Variants in PDS5A observed in about 807,000 individuals in gnomAD.
PDS5A encodes PDS5 cohesin associated factor A, also known as sister chromatid cohesion protein PDS5 homolog A.
A neutral mutation model predicts 167.1 loss-of-function variants in PDS5A; 42 were observed. The ratio of observed to expected loss-of-function variants is 0.25; its 90% CI spans 0.20 to 0.33. The LOEUF (loss-of-function observed/expected upper bound fraction) is 0.33. Ranked by LOEUF, PDS5A falls within the 10% of genes least tolerant of loss-of-function variation. The pLI is 1.00. For synonymous variants in PDS5A, 553 were observed against 554.6 expected (o/e 1.00, Z 0.04); for missense variants, 1,033 against 1,605.9 (o/e 0.64, Z 6.10).
At chr4:39,947,858 T>G (rs946934053) in intron 2 of PDS5A, among the ~76,000 whole-genome samples, 5 of 152,152 alleles carry the variant, frequency 3.3e-5, no homozygotes, top group Non-Finnish European at 5.9e-5. Flanking sequence ...CACCTCCCAG[T>G]AGGCCCCAAT....
intron 16 of PDS5A, among the ~76,000 whole-genome samples, chr4:39,891,511 G>A (rs1453966558): frequency 6.6e-6 from 1 of 151,960 alleles, no homozygotes; most frequent in African/African-American, 2.4e-5. Context: ...AGCCGGGCTT[G>A]GTGGCGCATG....
intron 16 of PDS5A, among the ~76,000 whole-genome samples, chr4:39,891,062 C>T (rs898977470): frequency 6.0e-5 from 9 of 151,254 alleles, no homozygotes. Context: ...TGGAGTCTCG[C>T]TCTGTCAGTC....
At chr4:39,908,352 T>C in intron 11 of PDS5A, 43 bp downstream of exon 11, 1 of 1,491,634 alleles carries the variant, frequency 6.7e-7, no homozygotes, top group Non-Finnish European at 9.3e-7. Flanking sequence ...ATTTAGCAAT[T>C]TAAACAGTAA....
At chr4:39,939,643 A>C (rs1292127556) in intron 2 of PDS5A, among the ~76,000 whole-genome samples, 1 of 152,024 alleles carries the variant, frequency 6.6e-6, no homozygotes, top group Non-Finnish European at 1.5e-5. Flanking sequence ...AAAATACAAC[A>C]ATTAGTCAGG....
intron 11 of PDS5A, 101 bp from the exon 12 acceptor site, chr4:39,904,292 C>T: frequency 1.6e-6 from 1 of 606,304 alleles, no homozygotes; most frequent in South Asian, 3.7e-5. Context: ...CTTATGTGTG[C>T]CTTTATAAAC....
intron 17 of PDS5A, among the ~76,000 whole-genome samples, chr4:39,882,300 G>A (rs996394043): frequency 6.6e-6 from 1 of 152,114 alleles, no homozygotes; most frequent in Non-Finnish European, 1.5e-5. Flanking sequence ...TTATTGAGTA[G>A]TTCCTTATAT....
chr4:39,854,935 A>AT (rs1020572615), intron 26 of PDS5A, among the ~76,000 whole-genome samples: 9 of 152,154 alleles, frequency 5.9e-5, no homozygotes, highest in Admixed American at 2.6e-4. Context: ...TTCATTTTCA[A>AT]TTTTTTCTTA....
intron 32 of PDS5A, among the ~76,000 whole-genome samples, chr4:39,832,019 C>A (rs1299465616): frequency 6.7e-6 from 1 of 150,038 alleles, no homozygotes; most frequent in Non-Finnish European, 1.5e-5. Flanking sequence ...GAGGATGAGG[C>A]ACAAGAATCC....
chr4:39,962,209 C>T lies in PDS5A; in HGVS notation c.138+14231G>A, dbSNP rs538685447. Among the ~76,000 whole-genome samples, 5 of 152,078 alleles carry T rather than the reference C, an allele frequency of 3.3e-5. No individual in the cohort carries two copies. The South Asian group carries it at 6.2e-4, about 19-fold the overall frequency. Reference sequence around the variant, plus strand: ...AGCAGCTGGGACTACAGACACAGTCCGCCACGCTCGACTAATTTTTGTATT... The same window carrying T: ...AGCAGCTGGGACTACAGACACAGTCTGCCACGCTCGACTAATTTTTGTATT... On this transcript the variant is annotated intron_variant, in intron 2 of 32. Transcript: ENST00000303538.
chr4:39,886,797 C>G (rs1721517631), intron 17 of PDS5A, among the ~76,000 whole-genome samples: 1 of 151,616 alleles, frequency 6.6e-6, no homozygotes, highest in South Asian at 2.1e-4. Flanking sequence ...CGTTAATTTC[C>G]TCCATCAGCG....
Position 39,904,392 on chromosome 4 carries a change from G to A in PDS5A, c.1234-201C>T, listed in dbSNP as rs534748965. ...CTCACTCTGTCGCCTAGGCTGGAGTGCAGTGGCAGGATCTTGGCTCACTGC... is the reference window on the plus strand; with the variant it reads ...CTCACTCTGTCGCCTAGGCTGGAGTACAGTGGCAGGATCTTGGCTCACTGC... On this transcript the variant is annotated intron_variant, in intron 11 of 32. Coordinates refer to ENST00000303538, the MANE Select transcript of PDS5A (RefSeq NM_001100399.2). 3.5e-4 allele frequency among the ~76,000 whole-genome samples: 53 copies of A among 152,158 alleles called. No homozygotes were observed. In the Middle Eastern group the frequency reaches 0.014, roughly 39 times the overall value.
intron 2 of PDS5A, among the ~76,000 whole-genome samples, chr4:39,948,226 AAAAG>A (rs928386931): frequency 5.5e-5 from 8 of 146,604 alleles, no homozygotes; most frequent in Middle Eastern, 3.4e-3. Context: ...AAAAAAAAAA[AAAAG>A]AAAGAAAGAA....
chr4:39,937,330 G>T (rs541266227), intron 2 of PDS5A, among the ~76,000 whole-genome samples: 2 of 144,552 alleles, frequency 1.4e-5, no homozygotes, highest in African/African-American at 4.9e-5. Context: ...AGATCAGATC[G>T]ATTATTATAT....
chr4:39,972,120 G>A lies in PDS5A; in HGVS notation c.138+4320C>T, dbSNP rs145779224. Among the ~76,000 whole-genome samples the A allele has an allele frequency of 2.0e-5, 3 of 152,236 alleles. No homozygotes were observed. The East Asian group carries it at 5.8e-4, about 29-fold the overall frequency. ...TCAAACTCGATGCTCATTCTCCACTGGATTGTATGTCCATTTATAGTTAAC... is the reference window on the plus strand; with the variant it reads ...TCAAACTCGATGCTCATTCTCCACTAGATTGTATGTCCATTTATAGTTAAC... On this transcript the variant is annotated intron_variant, in intron 2 of 32. Transcript: ENST00000303538.
At chr4:39,907,899 A>G (rs1325446177) in intron 11 of PDS5A, among the ~76,000 whole-genome samples, 1 of 152,046 alleles carries the variant, frequency 6.6e-6, no homozygotes, top group Non-Finnish European at 1.5e-5. Context: ...CATTTTTTCA[A>G]CTGCATCAAA....
chr4:39,832,067 G>C (rs532001566), intron 32 of PDS5A, among the ~76,000 whole-genome samples: 2 of 148,792 alleles, frequency 1.3e-5, no homozygotes, highest in Non-Finnish European at 3.0e-5. Context: ...GCAGTGAGCC[G>C]AGATCTCACC....
At chr4:39,899,524 T>C (rs1578697876) in intron 14 of PDS5A, among the ~76,000 whole-genome samples, 1 of 152,154 alleles carries the variant, frequency 6.6e-6, no homozygotes, top group Admixed American at 6.5e-5. Flanking sequence ...CCTTGCAAAA[T>C]ATGTTTTTGC....
intron 32 of PDS5A, among the ~76,000 whole-genome samples, chr4:39,836,444 G>GT (rs912280284): frequency 1.9e-4 from 28 of 151,188 alleles, no homozygotes; most frequent in African/African-American, 2.9e-4. Context: ...TAATTTTTTT[G>GT]TTTTTTTTGA....
chr4:39,836,525 C>A (rs1025385733), intron 32 of PDS5A, among the ~76,000 whole-genome samples: 3 of 151,910 alleles, frequency 2.0e-5, no homozygotes, highest in Non-Finnish European at 2.9e-5. Flanking sequence ...ACCTCTGCCT[C>A]CTGGGCTCAA....
Sources: gnomAD v4.1 joint callset for allele counts (sites outside exome capture counted in the v4.1 genomes callset) on GRCh38, gnomAD v4.1.1 for gene constraint, MANE v1.5 for transcripts, NCBI Gene and HGNC (gene_info 2026-07-23, HGNC 2026-07-21) for gene names.